Variants in ZZEF1 observed in about 807,000 individuals in gnomAD.
ZZEF1 encodes the protein zinc finger ZZ-type and EF-hand domain-containing protein 1.
ZZEF1 carries 157 observed loss-of-function variants against 342.8 expected under a neutral mutation model. The ratio of observed to expected loss-of-function variants is 0.46; its 90% confidence interval spans 0.40 to 0.52. The LOEUF (loss-of-function observed/expected upper bound fraction) is 0.52, where lower values mean the gene tolerates loss of function less well. Ranked by LOEUF, ZZEF1 falls within the 20% of genes least tolerant of loss-of-function variation. The pLI is 0.00. For missense variants in ZZEF1, 3,480 were observed against 3,725.6 expected, an observed-to-expected ratio of 0.93 and a Z score of 1.72; for synonymous variants, 1,505 against 1,429.1, an observed-to-expected ratio of 1.05 and a Z score of -1.20.
intron 1 of ZZEF1, among the ~76,000 whole-genome samples, chr17:4,132,949 G>C (rs935984355): frequency 4.6e-5 from 7 of 151,558 alleles, no homozygotes; most frequent in South Asian, 2.1e-4. Context: ...CTGGGCGACA[G>C]AGCGAGACTC....
intron 29 of ZZEF1, among the ~76,000 whole-genome samples, chr17:4,063,224 A>G (rs1302549046): frequency 2.6e-5 from 4 of 152,210 alleles, no homozygotes; most frequent in African/African-American, 9.6e-5. Context: ...TTAGGACAGG[A>G]AATTCCTCAC....
chr17:4,108,251 C>G (rs888185615), intron 6 of ZZEF1, among the ~76,000 whole-genome samples: 5 of 152,158 alleles, frequency 3.3e-5, no homozygotes, highest in African/African-American at 1.2e-4. Flanking sequence ...TGTGTGCAAC[C>G]CAATGGGATG....
Position 4,142,984 on chromosome 17 carries a change from G to A in ZZEF1, c.-89C>T, listed in dbSNP as rs2058895542. The A allele has an allele frequency of 1.6e-6, 2 of 1,262,944 alleles. No homozygotes were observed. The highest frequency in any genetic ancestry group is 9.9e-7 in the Non-Finnish European group (1 of 1,008,064). The allele number at this position is 1,262,944 out of a possible 1,614,324, so 78.2% of individuals were successfully genotyped here. On this transcript the variant is annotated 5_prime_UTR_variant, in exon 1 of 55. Coordinates refer to ENST00000381638, the MANE Select transcript of ZZEF1 (RefSeq NM_015113.4). The stretch of plus-strand genomic sequence containing the variant: ...CAACCTCCGACAGCAGCTGGCGGGC[G>A]GGGACGCGGAGGAGACGACGGCGGC...
chr17:4,123,806 G>A (rs994475117), intron 2 of ZZEF1, 101 bp downstream of exon 2: 19 of 1,338,350 alleles, frequency 1.4e-5, no homozygotes, highest in Non-Finnish European at 1.2e-5. Flanking sequence ...GAACACTGTT[G>A]GGGGAGTTTA....
rs1188229273 is a variant in ZZEF1 at position 4,139,261 on chromosome 17, A to T, written c.354+3281T>A. Among the ~76,000 whole-genome samples the T allele has an allele frequency of 2.6e-5, 4 of 152,140 alleles. 1 individual carries two copies. Among genetic ancestry groups the T allele is most frequent in the Admixed American group, 2.6e-4 (4 of 15,274 alleles). Reference sequence around the variant, plus strand: ...AACACCTCCTCAAATAACTGAGGTCACAGGAATGTGAAAGCAAGACAGCTG... The same window carrying T: ...AACACCTCCTCAAATAACTGAGGTCTCAGGAATGTGAAAGCAAGACAGCTG... On this transcript the variant is annotated intron_variant, in intron 1 of 54. Transcript: ENST00000381638.
At chr17:4,140,549 A>G (rs1447597290) in intron 1 of ZZEF1, among the ~76,000 whole-genome samples, 1 of 152,162 alleles carries the variant, frequency 6.6e-6, no homozygotes, top group East Asian at 1.9e-4. Flanking sequence ...TGCTTTGTCC[A>G]CTGTCATCCA....
At chr17:4,036,078 C>CACA (rs2056655471) in intron 39 of ZZEF1, among the ~76,000 whole-genome samples, 1 of 92,772 alleles carries the variant, frequency 1.1e-5, no homozygotes, top group Non-Finnish European at 2.4e-5. Flanking sequence ...ACAGCCTGTC[C>CACA]AAAAAAAAAA....
intron 6 of ZZEF1, among the ~76,000 whole-genome samples, chr17:4,108,079 G>A (rs537680612): frequency 6.6e-6 from 1 of 152,318 alleles, no homozygotes; most frequent in East Asian, 1.9e-4. Context: ...AAGTTTTGAT[G>A]AGGAATACGA....
chr17:4,021,018 C>T (rs2056254831), intron 45 of ZZEF1, 111 bp downstream of exon 45: 3 of 1,191,418 alleles, frequency 2.5e-6, no homozygotes, highest in Non-Finnish European at 3.5e-6. Flanking sequence ...AGTGAATTCT[C>T]AGGACAGCAG....
rs2055790543 is a variant in ZZEF1 at position 4,005,923 on chromosome 17, C to G, written c.*967G>C. ...AAAGAAAAATGTAAAACAGCACTGA[C>G]TAGAACTAATGTCGTTATTGCTACA... On this transcript the variant is annotated 3_prime_UTR_variant, in exon 55 of 55. Coordinates refer to ENST00000381638, the MANE Select transcript of ZZEF1 (RefSeq NM_015113.4). 1 of 152,232 alleles carries G rather than the reference C, an allele frequency of 6.6e-6. No individual in the cohort carries two copies. Among genetic ancestry groups the G allele is most frequent in the Admixed American group, 6.5e-5 (1 of 15,280 alleles). 9.4% of individuals were successfully genotyped at this position (152,232 alleles called of 1,614,324 possible). A position where few individuals can be genotyped will look rare whatever the true frequency, so the allele number is the denominator to read the frequency against.
chr17:4,072,455 G>A (rs181950850), intron 25 of ZZEF1, among the ~76,000 whole-genome samples, 153 bp downstream of exon 25: 10 of 152,298 alleles, frequency 6.6e-5, no homozygotes, highest in Admixed American at 4.6e-4. Flanking sequence ...ACACGGTGGC[G>A]TTAACAAGTT....
At chr17:4,129,416 G>C (rs1597937806) in intron 1 of ZZEF1, among the ~76,000 whole-genome samples, 1 of 152,252 alleles carries the variant, frequency 6.6e-6, no homozygotes, top group East Asian at 1.9e-4. Flanking sequence ...CCACCATAAA[G>C]ACACATACAC....
chr17:4,049,368 C>T (rs1283782458), intron 37 of ZZEF1, among the ~76,000 whole-genome samples: 1 of 152,002 alleles, frequency 6.6e-6, no homozygotes, highest in Non-Finnish European at 1.5e-5. Flanking sequence ...AAAAATTAGC[C>T]AGGCATGGTA....
chr17:4,043,640 A>T (rs2056848704), intron 38 of ZZEF1, among the ~76,000 whole-genome samples: 3 of 152,122 alleles, frequency 2.0e-5, no homozygotes, highest in Admixed American at 2.0e-4. Flanking sequence ...TCTCTCCTTT[A>T]TCATCCTCTA....
At chr17:4,139,420 T>A (rs943288501) in intron 1 of ZZEF1, among the ~76,000 whole-genome samples, 4 of 152,228 alleles carry the variant, frequency 2.6e-5, no homozygotes, top group African/African-American at 9.6e-5. Context: ...TAAAAACGAA[T>A]GACGGAAACA....
intron 26 of ZZEF1, among the ~76,000 whole-genome samples, chr17:4,068,996 C>CAAA (rs1469206327): frequency 6.6e-6 from 1 of 152,196 alleles, no homozygotes; most frequent in Non-Finnish European, 1.5e-5. Context: ...AGAACTAAGA[C>CAAA]AAGCCTGGCC....
intron 41 of ZZEF1, 57 bp from the exon 42 acceptor site, chr17:4,032,315 T>C: frequency 1.9e-6 from 3 of 1,581,162 alleles, no homozygotes; most frequent in Non-Finnish European, 2.6e-6. Flanking sequence ...CAAGAAAGAA[T>C]TCTTAGGCAT....
intron 16 of ZZEF1, among the ~76,000 whole-genome samples, chr17:4,084,061 C>A (rs1031111858): frequency 6.6e-6 from 1 of 152,148 alleles, no homozygotes; most frequent in Non-Finnish European, 1.5e-5. Context: ...ACTAGCTAGG[C>A]CCTCCAATGC....
chr17:4,048,926 G>A lies in ZZEF1; in HGVS notation c.6015+782C>T, dbSNP rs145833830. ...GTAGAGACAGGGTTTCACCCTGTTG[G>A]CCAGGCTGGTCTTGAACATCTGACC... On this transcript the variant is annotated intron_variant, in intron 37 of 54. Transcript: ENST00000381638. 8.6e-3 allele frequency among the ~76,000 whole-genome samples: 1,274 copies of A among 147,800 alleles called. 23 individuals are homozygous for A. The highest frequency in any genetic ancestry group is 0.031 in the African/African-American group (1,220 of 39,712).
Sources: allele counts gnomAD v4.1 joint callset (sites outside exome capture counted in the v4.1 genomes callset), GRCh38; gene constraint gnomAD v4.1.1; transcripts MANE v1.5; gene names NCBI Gene and HGNC (gene_info 2026-07-23, HGNC 2026-07-21).